MAMDC2: variants seen among roughly 807,000 people sequenced by gnomAD.
MAMDC2 encodes MAM domain-containing protein 2.
A neutral mutation model predicts 89.8 loss-of-function variants in MAMDC2; 57 were observed. The ratio of observed to expected loss-of-function variants is 0.63; its 90% CI spans 0.51 to 0.79. The LOEUF is 0.79. Among genes scored for constraint, MAMDC2 ranks in the 30% least tolerant of loss-of-function variants. The pLI is 0.00. For synonymous variants in MAMDC2, 313 were observed against 293.4 expected (o/e 1.07, Z -0.68); for missense variants, 800 against 820.6 (o/e 0.97, Z 0.31).
intron 11 of MAMDC2, among the ~76,000 whole-genome samples, chr9:70,207,857 C>A (rs1482061545): frequency 6.6e-6 from 1 of 152,156 alleles, no homozygotes; most frequent in Non-Finnish European, 1.5e-5. Context: ...TATGGCTAAC[C>A]AGTTTTCCCA....
chr9:70,117,471 G>C (rs1218797091), intron 5 of MAMDC2, among the ~76,000 whole-genome samples: 2 of 152,110 alleles, frequency 1.3e-5, no homozygotes, highest in Non-Finnish European at 2.9e-5. Context: ...GGTCTGTCAG[G>C]GGATGGAGAT....
intron 2 of MAMDC2, chr9:70,071,483 TG>T (rs1827406802): frequency 6.6e-6 from 1 of 152,224 alleles, no homozygotes; most frequent in South Asian, 2.1e-4. Context: ...TTAACTTCTC[TG>T]AGCTGAATTG....
Position 70,143,761 on chromosome 9 carries a change from C to T in MAMDC2, c.1346C>T (p.Ser449Phe). 6.2e-7 allele frequency: 1 copy of T among 1,614,136 alleles called. No individual in the cohort carries two copies. The highest frequency in any genetic ancestry group is 8.5e-7 in the Non-Finnish European group (1 of 1,180,004). The change falls in exon 9 of 14, where the codon TCC becomes TTC. Residue 449 changes from serine (S) to phenylalanine (F), a missense_variant. Coordinates refer to ENST00000377182, the MANE Select transcript of MAMDC2 (RefSeq NM_153267.5). Reference protein sequence around the residue: ...VQEKIWSVLESPRGVWMQAEI... With the variant: ...VQEKIWSVLEFPRGVWMQAEI... ...GAGAAGATCTGGTCTGTGTTGGAGT[C>T]CCCAAGGGGTGTTTGGATGCAAGCT...
intron 9 of MAMDC2, among the ~76,000 whole-genome samples, chr9:70,146,295 G>C (rs577334332): frequency 6.6e-6 from 1 of 152,180 alleles, no homozygotes; most frequent in Admixed American, 6.5e-5. Context: ...TCTAGACCCA[G>C]TTGGGGCAGA....
intron 9 of MAMDC2, among the ~76,000 whole-genome samples, chr9:70,168,184 C>G (rs2032227550): frequency 6.6e-6 from 1 of 152,130 alleles, no homozygotes; most frequent in Non-Finnish European, 1.5e-5. Flanking sequence ...TCGTTATATT[C>G]TGCTCAAATA....
At chr9:70,098,401 G>A (rs547287214) in intron 2 of MAMDC2, among the ~76,000 whole-genome samples, 1 of 152,312 alleles carries the variant, frequency 6.6e-6, no homozygotes, top group South Asian at 2.1e-4. Context: ...TTGATTCTAA[G>A]TTGCACCATA....
intron 11 of MAMDC2, among the ~76,000 whole-genome samples, chr9:70,191,231 G>A (rs1043117730): frequency 1.3e-5 from 2 of 152,014 alleles, no homozygotes; most frequent in Non-Finnish European, 2.9e-5. Context: ...TTTTGCAAGT[G>A]TTCTCATTGC....
At chr9:70,173,628 G>T (rs1372562619) in intron 11 of MAMDC2, among the ~76,000 whole-genome samples, 1 of 152,190 alleles carries the variant, frequency 6.6e-6, no homozygotes, top group East Asian at 1.9e-4. Flanking sequence ...ATAGCAGTAA[G>T]AGATCTAATA....
At chr9:70,211,437 A>G (rs1030038820) in intron 11 of MAMDC2, among the ~76,000 whole-genome samples, 1 of 152,152 alleles carries the variant, frequency 6.6e-6, no homozygotes, top group Non-Finnish European at 1.5e-5. Flanking sequence ...AAGCTTGTGC[A>G]TGCATCACAT....
chr9:70,120,186 C>T (rs1008271827), intron 5 of MAMDC2, among the ~76,000 whole-genome samples: 7 of 152,194 alleles, frequency 4.6e-5, no homozygotes, highest in Non-Finnish European at 1.0e-4. Context: ...CTACTCTTCC[C>T]CTACGGGTCC....
rs373410033 is a variant in MAMDC2 at position 70,108,479 on chromosome 9, C to A, written c.417C>A (p.Phe139Leu). Residue 139 changes from phenylalanine (F) to leucine (L), a missense_variant, in exon 3 of 14, where the codon TTC becomes TTA. By Grantham distance (22) the Phe-to-Leu change is conservative. Transcript: ENST00000377182. The stretch of plus-strand genomic sequence containing the variant: ...ATTTGCAAAACAGTTCCAAGAAATT[C>A]AAGGTAGGTGGAGTTTAGGAGAAAG... ...SLDLQNSSKK[F>L]KILIEGVLGQ... The A allele has an allele frequency of 1.9e-4, 298 of 1,591,966 alleles. No homozygotes were observed. Among genetic ancestry groups the A allele is most frequent in the Non-Finnish European group, 2.5e-4 (292 of 1,171,544 alleles).
At chr9:70,219,147 T>C (rs2033507680) in intron 12 of MAMDC2, among the ~76,000 whole-genome samples, 1 of 152,180 alleles carries the variant, frequency 6.6e-6, no homozygotes, top group Admixed American at 6.5e-5. Context: ...CTATAGAAGA[T>C]GTCCATCCTA....
chr9:70,205,140 G>T (rs1268176562), intron 11 of MAMDC2, among the ~76,000 whole-genome samples: 1 of 152,144 alleles, frequency 6.6e-6, no homozygotes, highest in Non-Finnish European at 1.5e-5. Context: ...CACAGAGAAG[G>T]CTTCTGTGAC....
At chr9:70,163,923 C>A (rs143372547) in intron 9 of MAMDC2, among the ~76,000 whole-genome samples, 2,986 of 140,260 alleles carry the variant, frequency 0.021, 96 homozygotes, top group African/African-American at 0.075. Flanking sequence ...CACTGTACTC[C>A]AGCCTGGGCA....
intron 5 of MAMDC2, among the ~76,000 whole-genome samples, chr9:70,120,382 G>A (rs1409092131): frequency 6.6e-6 from 1 of 152,142 alleles, no homozygotes; most frequent in Non-Finnish European, 1.5e-5. Context: ...AGGTTACATG[G>A]CAGTTTCCTT....
At chr9:70,126,127 T>G (rs764092789) in intron 5 of MAMDC2, 32 bp from the exon 6 acceptor site, 10 of 1,357,136 alleles carry the variant, frequency 7.4e-6, no homozygotes, top group Non-Finnish European at 1.0e-5. Flanking sequence ...CCCCCAACTC[T>G]TAACACTGTG....
At chr9:70,094,994 T>C (rs1827989836) in intron 2 of MAMDC2, among the ~76,000 whole-genome samples, 1 of 152,022 alleles carries the variant, frequency 6.6e-6, no homozygotes, top group Admixed American at 6.6e-5. Flanking sequence ...TAATGAAGTA[T>C]AGAGTGAGCT....
At chr9:70,103,225 A>G (rs752138958) in intron 2 of MAMDC2, among the ~76,000 whole-genome samples, 27 of 152,326 alleles carry the variant, frequency 1.8e-4, no homozygotes, top group Middle Eastern at 3.4e-3. Flanking sequence ...GGTGTTCTGC[A>G]TTATTCCCAT....
chr9:70,077,704 T>C (rs1827563926), intron 2 of MAMDC2, among the ~76,000 whole-genome samples: 1 of 152,152 alleles, frequency 6.6e-6, no homozygotes, highest in Non-Finnish European at 1.5e-5. Flanking sequence ...TCTTAGAGAA[T>C]AGTTATCATT....
Sources: allele counts gnomAD v4.1 joint callset (sites outside exome capture counted in the v4.1 genomes callset), GRCh38; gene constraint gnomAD v4.1.1; transcripts MANE v1.5; gene names NCBI Gene and HGNC (gene_info 2026-07-23, HGNC 2026-07-21).